PRKCQ: variants seen among roughly 807,000 people sequenced by gnomAD.
PRKCQ encodes the protein protein kinase C theta type.
PRKCQ carries 41 observed loss-of-function variants against 91.2 expected under a neutral mutation model. The observed-to-expected ratio is 0.45, with a 90% confidence interval of 0.35 to 0.58. PRKCQ has a LOEUF of 0.58. Ranked by LOEUF, PRKCQ falls within the 20% of genes least tolerant of loss-of-function variation. The pLI is 0.00. For missense variants in PRKCQ, 673 were observed against 896.5 expected (o/e 0.75, Z 3.18); for synonymous variants, 307 against 316.9 (o/e 0.97, Z 0.33).
intron 1 of PRKCQ, among the ~76,000 whole-genome samples, chr10:6,532,518 C>A (rs979372445): frequency 1.2e-4 from 18 of 151,762 alleles, no homozygotes; most frequent in African/African-American, 3.4e-4. Context: ...GTCATCCCAC[C>A]CCGAATGCAC....
chr10:6,526,217 G>C (rs1839191322), intron 1 of PRKCQ, among the ~76,000 whole-genome samples: 1 of 152,072 alleles, frequency 6.6e-6, no homozygotes, highest in African/African-American at 2.4e-5. Flanking sequence ...TGGTATTTAT[G>C]ACCTAATGTT....
At chr10:6,484,751 TG>T (rs903723353) in intron 10 of PRKCQ, among the ~76,000 whole-genome samples, 1 of 152,216 alleles carries the variant, frequency 6.6e-6, no homozygotes, top group Non-Finnish European at 1.5e-5. Context: ...CATAATGTCA[TG>T]AAAGTGGCTT....
chr10:6,476,946 C>A (rs1166326262), intron 12 of PRKCQ, among the ~76,000 whole-genome samples: 1 of 152,174 alleles, frequency 6.6e-6, no homozygotes, highest in Non-Finnish European at 1.5e-5. Flanking sequence ...CATACCTTCA[C>A]CCTCCCAGGC....
At chr10:6,492,328 C>T (rs1837362057) in intron 7 of PRKCQ, among the ~76,000 whole-genome samples, 1 of 152,014 alleles carries the variant, frequency 6.6e-6, no homozygotes, top group Non-Finnish European at 1.5e-5. Context: ...ATTTTCACAC[C>T]TATTATTCAT....
intron 3 of PRKCQ, among the ~76,000 whole-genome samples, chr10:6,510,621 A>G (rs988482243): frequency 6.6e-6 from 1 of 152,234 alleles, no homozygotes; most frequent in Non-Finnish European, 1.5e-5. Flanking sequence ...AGTTTTATAT[A>G]CAAATATTCT....
At chr10:6,522,075 G>A (rs756666758) in intron 1 of PRKCQ, among the ~76,000 whole-genome samples, 29 of 152,002 alleles carry the variant, frequency 1.9e-4, no homozygotes, top group Non-Finnish European at 2.1e-4. Context: ...CCCGAGTAGC[G>A]GGATTACAGG....
chr10:6,540,480 T>A (rs2130915229), intron 1 of PRKCQ, among the ~76,000 whole-genome samples: 1 of 152,342 alleles, frequency 6.6e-6, no homozygotes, highest in East Asian at 1.9e-4. Flanking sequence ...AAGTGGAGTC[T>A]TAGCGTATTT....
the PRKCQ span, among the ~76,000 whole-genome samples, chr10:6,405,236 G>A: frequency 1.3e-5 from 2 of 152,172 alleles, no homozygotes; most frequent in Non-Finnish European, 2.9e-5. Flanking sequence ...GCCCATCTCA[G>A]CCTCCCAGAG....
chr10:6,502,266 G>A (rs1316810976), intron 4 of PRKCQ, among the ~76,000 whole-genome samples: 6 of 152,236 alleles, frequency 3.9e-5, no homozygotes, highest in Admixed American at 2.0e-4. Context: ...AGGAGAGAAA[G>A]AGGGAAGTTG....
At chr10:6,558,387 TA>T (rs913856769) in intron 1 of PRKCQ, among the ~76,000 whole-genome samples, 124 of 152,276 alleles carry the variant, frequency 8.1e-4, no homozygotes, top group African/African-American at 2.8e-3. Flanking sequence ...TTGTTTTTTT[TA>T]AAAAAGGCTT....
chr10:6,441,757 G>A (rs1833984075), intron 16 of PRKCQ, 136 bp downstream of exon 16: 5 of 832,072 alleles, frequency 6.0e-6, no homozygotes, highest in Middle Eastern at 3.8e-4. Flanking sequence ...AAACACAGAC[G>A]GTGCACATCC....
chr10:6,552,467 T>G (rs564644786), intron 1 of PRKCQ, among the ~76,000 whole-genome samples: 47 of 151,836 alleles, frequency 3.1e-4, no homozygotes, highest in African/African-American at 1.1e-3. Flanking sequence ...AGTCTTTTTT[T>G]TTTTTTTTTG....
chr10:6,513,222 C>G (rs903069718), intron 2 of PRKCQ, among the ~76,000 whole-genome samples: 3 of 152,104 alleles, frequency 2.0e-5, no homozygotes, highest in African/African-American at 7.2e-5. Flanking sequence ...AGCCTTACAC[C>G]CCAAGAACTG....
chr10:6,568,172 G>A lies in PRKCQ; in HGVS notation c.-10+12039C>T, dbSNP rs185376906. Among the ~76,000 whole-genome samples the A allele has an allele frequency of 3.3e-3, 505 of 152,100 alleles. 4 individuals carry two copies. Among genetic ancestry groups the A allele is most frequent in the African/African-American group, 0.012 (479 of 41,502 alleles). On this transcript the variant is annotated intron_variant, in intron 1 of 17. Transcript: ENST00000263125. ...GGAGGTTGCAGTGAGCTGTGACCAC[G>A]CCACTGCATTCCAGCCTGGGTGACA...
the PRKCQ span, among the ~76,000 whole-genome samples, chr10:6,404,579 CTTT>C: frequency 3.0e-5 from 4 of 133,056 alleles, no homozygotes; most frequent in East Asian, 2.4e-4. Context: ...CTTTCTCTTT[CTTT>C]CTTTCTTTTT....
At chr10:6,520,698 C>A (rs1336723935) in intron 1 of PRKCQ, among the ~76,000 whole-genome samples, 2 of 152,142 alleles carry the variant, frequency 1.3e-5, no homozygotes, top group Non-Finnish European at 2.9e-5. Flanking sequence ...AGTTCTCAGC[C>A]CTGGCTCCTG....
At chr10:6,473,532 C>T (rs1255448234) in intron 12 of PRKCQ, among the ~76,000 whole-genome samples, 3 of 152,230 alleles carry the variant, frequency 2.0e-5, no homozygotes, top group African/African-American at 4.8e-5. Context: ...AGGATCAGAA[C>T]GCCGCCAGAG....
chr10:6,552,744 G>A (rs1420867183), intron 1 of PRKCQ, among the ~76,000 whole-genome samples: 1 of 152,130 alleles, frequency 6.6e-6, no homozygotes, highest in African/African-American at 2.4e-5. Flanking sequence ...TGGGATCACA[G>A]GTGTGAGTCG....
At chr10:6,395,056 C>CTTTTTTTTTTTTTT in the PRKCQ span, among the ~76,000 whole-genome samples, 1 of 66,994 alleles carries the variant, frequency 1.5e-5, no homozygotes, top group African/African-American at 6.1e-5. Context: ...AAGCTGGAGT[C>CTTTTTTTTTTTTTT]TTTTTTTTTT....
Sources: gnomAD v4.1 joint callset for allele counts (sites outside exome capture counted in the v4.1 genomes callset) on GRCh38, gnomAD v4.1.1 for gene constraint, MANE v1.5 for transcripts, NCBI Gene and HGNC (gene_info 2026-07-23, HGNC 2026-07-21) for gene names.